Variants in POLK observed in about 807,000 individuals in gnomAD.
The protein encoded by POLK is polymerase (DNA directed) kappa.
In POLK, 76 loss-of-function variants were observed where a neutral mutation model predicts 94.0. The observed-to-expected ratio is 0.81, with a 90% CI of 0.67 to 0.98. The LOEUF (loss-of-function observed/expected upper bound fraction) is 0.98, where lower values mean the gene tolerates loss of function less well. POLK is among the 50% of genes least tolerant of loss of function. The pLI is 0.00. For synonymous variants in POLK, 349 were observed against 325.4 expected, an observed-to-expected ratio of 1.07 and a Z score of -0.78; for missense variants, 954 against 1,010.1, an observed-to-expected ratio of 0.94 and a Z score of 0.75.
chr5:75,589,358 T>A (rs1772633140), intron 10 of POLK, among the ~76,000 whole-genome samples: 1 of 150,434 alleles, frequency 6.6e-6, no homozygotes, highest in African/African-American at 2.5e-5. Flanking sequence ...AAATGTCTTC[T>A]TGTTTGCTTA....
chr5:75,537,596 CT>C lies in POLK; in HGVS notation c.-13-9413del, dbSNP rs574431648. Among the ~76,000 whole-genome samples, 4 of 152,344 alleles carry C rather than the reference CT, an allele frequency of 2.6e-5. 1 individual carries two copies. The South Asian group carries it at 8.3e-4, about 32-fold the overall frequency. The stretch of plus-strand genomic sequence containing the variant: ...CTTCTAGTCTGCCATCTTGGCCCCC[CT>C]AACCTAACCCATTTTTAGATGTTAC... On this transcript the variant is annotated intron_variant, in intron 1 of 14. Coordinates refer to ENST00000241436, the Ensembl canonical transcript of POLK.
At chr5:75,546,223 T>C (rs1490921654) in intron 1 of POLK, among the ~76,000 whole-genome samples, 2 of 152,176 alleles carry the variant, frequency 1.3e-5, no homozygotes, top group Admixed American at 6.5e-5. Context: ...CTGTACTGTA[T>C]TTTTACAATA....
chr5:75,546,789 C>T lies in POLK; in HGVS notation c.-13-221C>T, dbSNP rs1431030767. ...CAAGCAATTCTCCTGCCTCAGCCTC[C>T]CTAGTAGCTGGGACTACAGGCGCAT... On this transcript the variant is annotated intron_variant, in intron 1 of 14. Transcript: ENST00000241436. Among the ~76,000 whole-genome samples, 5 of 152,078 alleles carry T rather than the reference C, an allele frequency of 3.3e-5. 1 individual carries two copies. The highest frequency in any genetic ancestry group is 2.0e-4 in the Admixed American group (3 of 15,268).
chr5:75,578,268 GCCTTAGACTC>G (rs1308067519), intron 6 of POLK, among the ~76,000 whole-genome samples: 1 of 152,094 alleles, frequency 6.6e-6, no homozygotes, highest in Non-Finnish European at 1.5e-5. Context: ...CAGTTCTCCT[GCCTTAGACTC>G]CCAAGTATCT....
chr5:75,563,040 G>C (rs1247756471), intron 3 of POLK, among the ~76,000 whole-genome samples: 3 of 152,118 alleles, frequency 2.0e-5, no homozygotes, highest in Non-Finnish European at 4.4e-5. Flanking sequence ...TGAGTTAGCG[G>C]GGAGTCCCTC....
intron 8 of POLK, among the ~76,000 whole-genome samples, chr5:75,583,970 C>G (rs1437700821): frequency 6.6e-6 from 1 of 152,044 alleles, no homozygotes; most frequent in Non-Finnish European, 1.5e-5. Context: ...TGTTCTAGGA[C>G]TTGCTTTTCT....
At chr5:75,576,970 G>GT in intron 6 of POLK, 37 bp downstream of exon 6, 4 of 1,307,616 alleles carry the variant, frequency 3.1e-6, no homozygotes, top group East Asian at 2.6e-5. Flanking sequence ...CCAAGAAGCA[G>GT]TGAAAAAAAA....
At chr5:75,513,464 C>G (rs1345190757) in intron 1 of POLK, among the ~76,000 whole-genome samples, 2 of 152,042 alleles carry the variant, frequency 1.3e-5, no homozygotes, top group Non-Finnish European at 2.9e-5. Context: ...TTCACAGCTG[C>G]TTGAGAATAT....
At chr5:75,571,019 ATGTT>A (rs1771557973) in intron 4 of POLK, among the ~76,000 whole-genome samples, 1 of 152,144 alleles carries the variant, frequency 6.6e-6, no homozygotes, top group African/African-American at 2.4e-5. Flanking sequence ...AAATTTATGT[ATGTT>A]TATGTATGTG....
At chr5:75,594,100 A>G (rs762453156) in intron 12 of POLK, 51 bp downstream of exon 12, 2 of 1,386,184 alleles carry the variant, frequency 1.4e-6, no homozygotes, top group Non-Finnish European at 2.0e-6. Flanking sequence ...AGATTTTCCC[A>G]AATAATCAAC....
At chr5:75,521,481 A>G (rs1768583213) in intron 1 of POLK, among the ~76,000 whole-genome samples, 1 of 151,856 alleles carries the variant, frequency 6.6e-6, no homozygotes, top group African/African-American at 2.4e-5. Flanking sequence ...TCTCTGATAC[A>G]TTTCTAGATT....
chr5:75,515,874 T>C (rs553222807), intron 1 of POLK, among the ~76,000 whole-genome samples: 1 of 152,306 alleles, frequency 6.6e-6, no homozygotes, highest in Admixed American at 6.5e-5. Flanking sequence ...GTGGGCAACG[T>C]AGTGAGACCT....
intron 3 of POLK, among the ~76,000 whole-genome samples, chr5:75,567,598 G>A (rs779537638): frequency 1.3e-5 from 2 of 152,002 alleles, no homozygotes; most frequent in South Asian, 2.1e-4. Context: ...TCCCCTCCCC[G>A]TCTCTCTTGT....
At chr5:75,583,087 A>C (rs762020826) in intron 7 of POLK, 55 of 379,108 alleles carry the variant, frequency 1.5e-4, no homozygotes, top group Non-Finnish European at 2.4e-4. Flanking sequence ...TTTTGCTGCC[A>C]CAATGACTGT....
chr5:75,593,861 T>C lies in POLK; in HGVS notation c.1357-17T>C. The C allele has an allele frequency of 7.0e-7, 1 of 1,422,830 alleles. No individual in the cohort carries two copies. The highest frequency in any genetic ancestry group is 9.7e-7 in the Non-Finnish European group (1 of 1,027,176). The allele number at this position is 1,422,830 out of a possible 1,614,324, so 88.1% of individuals were successfully genotyped here. On this transcript the variant is annotated splice_polypyrimidine_tract_variant and intron_variant, in intron 11 of 14. Transcript: ENST00000241436. The stretch of plus-strand genomic sequence containing the variant: ...CTGTCTCATAAATAAATAAATAACA[T>C]ATTGTATATGTTATAGGGTAGAACT...
intron 3 of POLK, among the ~76,000 whole-genome samples, chr5:75,557,428 C>T (rs999465063): frequency 2.6e-5 from 4 of 152,184 alleles, no homozygotes; most frequent in African/African-American, 9.7e-5. Flanking sequence ...GAAGAACTGG[C>T]ATTTGATAAT....
intron 1 of POLK, among the ~76,000 whole-genome samples, chr5:75,543,574 T>C (rs775877957): frequency 6.6e-6 from 1 of 152,160 alleles, no homozygotes; most frequent in Non-Finnish European, 1.5e-5. Context: ...AAGATTACTT[T>C]TGGACATGTT....
intron 3 of POLK, among the ~76,000 whole-genome samples, chr5:75,565,188 G>T (rs1378825702): frequency 6.6e-6 from 1 of 152,022 alleles, no homozygotes; most frequent in Non-Finnish European, 1.5e-5. Context: ...TGATACTTGT[G>T]TATGCTTCCC....
intron 1 of POLK, chr5:75,513,086 C>T (rs907915752): frequency 7.2e-5 from 11 of 152,088 alleles, no homozygotes; most frequent in African/African-American, 2.7e-4. Flanking sequence ...TTTTTTTCTT[C>T]CTGCATGGGG....
Sources: gnomAD v4.1 joint callset for allele counts (sites outside exome capture counted in the v4.1 genomes callset) on GRCh38, gnomAD v4.1.1 for gene constraint, MANE v1.5 for transcripts, NCBI Gene and HGNC (gene_info 2026-07-23, HGNC 2026-07-21) for gene names.